The following SMAD7 variants were observed in gnomAD, a reference collection of about 807,000 sequenced individuals.
The protein encoded by SMAD7 is SMAD family member 7.
Under a neutral mutation model 38.7 loss-of-function variants are expected in SMAD7, and 8 were observed. The observed-to-expected ratio is 0.21, with a 90% CI of 0.12 to 0.37. The LOEUF (loss-of-function observed/expected upper bound fraction) is 0.37, where lower values mean the gene tolerates loss of function less well. Among genes scored for constraint, SMAD7 ranks in the 10% least tolerant of loss-of-function variants. The probability of loss-of-function intolerance (pLI) is 1.00; values close to 1 mark genes in which losing one functional copy is unlikely to be tolerated. For missense variants in SMAD7, 477 were observed against 577.9 expected (o/e 0.83, Z 1.79); for synonymous variants, 327 against 265.1 (o/e 1.23, Z -2.27).
At chr18:48,923,155 G>C (rs983451835) in intron 3 of SMAD7, among the ~76,000 whole-genome samples, 5 of 152,330 alleles carry the variant, frequency 3.3e-5, no homozygotes, top group South Asian at 4.1e-4. Context: ...AGGGGGAAAA[G>C]CAGAGGGGAA....
chr18:48,931,736 C>A (rs1241648875), intron 3 of SMAD7, among the ~76,000 whole-genome samples: 1 of 152,238 alleles, frequency 6.6e-6, no homozygotes. Context: ...AAAACTGAGG[C>A]CCAGAACACA....
chr18:48,929,573 TCACACACACA>T (rs6146310), intron 3 of SMAD7, among the ~76,000 whole-genome samples: 4 of 137,326 alleles, frequency 2.9e-5, no homozygotes, highest in African/African-American at 1.1e-4. Context: ...TCTCTCTCAC[TCACACACACA>T]CACACACACA....
intron 3 of SMAD7, among the ~76,000 whole-genome samples, chr18:48,924,165 C>T (rs750796001): frequency 2.0e-4 from 25 of 127,158 alleles, no homozygotes; most frequent in Non-Finnish European, 3.3e-4. Context: ...CAATTCGGGA[C>T]AACAAACCTG....
intron 3 of SMAD7, among the ~76,000 whole-genome samples, chr18:48,928,472 T>A (rs1163745063): frequency 6.6e-6 from 1 of 151,762 alleles, no homozygotes; most frequent in Non-Finnish European, 1.5e-5. Context: ...AATTTCAGAG[T>A]CAGAAATGAC....
chr18:48,927,036 A>C (rs4939826), intron 3 of SMAD7, among the ~76,000 whole-genome samples: 135,797 of 152,196 alleles, frequency 0.89, 60,725 homozygotes, highest in East Asian at 0.99. Context: ...TATCTGGGCT[A>C]ACTTTAAGGG....
At chr18:48,947,907 T>A (rs1475754189) in intron 2 of SMAD7, among the ~76,000 whole-genome samples, 2 of 127,332 alleles carry the variant, frequency 1.6e-5, no homozygotes, top group African/African-American at 3.1e-5. Flanking sequence ...CCCCCCCCTT[T>A]TACTGGCTGT....
chr18:48,938,383 G>A (rs1031202983), intron 3 of SMAD7, among the ~76,000 whole-genome samples: 3 of 152,116 alleles, frequency 2.0e-5, no homozygotes, highest in Non-Finnish European at 2.9e-5. Flanking sequence ...GCATGACTTC[G>A]CACAGCCAAG....
At chr18:48,948,562 C>G (rs2070223367) in intron 1 of SMAD7, 125 bp from the exon 2 acceptor site, 1 of 618,548 alleles carries the variant, frequency 1.6e-6, no homozygotes, top group Non-Finnish European at 2.8e-6. Flanking sequence ...GAGGCAGGGC[C>G]GCGAGGCGGT....
intron 3 of SMAD7, among the ~76,000 whole-genome samples, chr18:48,938,443 A>C (rs1481214624): frequency 6.6e-6 from 1 of 152,110 alleles, no homozygotes; most frequent in African/African-American, 2.4e-5. Context: ...ACTGCCTCCT[A>C]CCTCCCTCCT....
At chr18:48,923,475 T>C (rs1393150524) in intron 3 of SMAD7, among the ~76,000 whole-genome samples, 1 of 152,132 alleles carries the variant, frequency 6.6e-6, no homozygotes, top group Non-Finnish European at 1.5e-5. Flanking sequence ...TCAGTTGTTG[T>C]TGTTGTTGTT....
chr18:48,933,757 C>G (rs1231360749), intron 3 of SMAD7: 2 of 152,312 alleles, frequency 1.3e-5, no homozygotes, highest in Non-Finnish European at 2.9e-5. Flanking sequence ...CGGCGCCGGC[C>G]CACCAACCTC....
chr18:48,922,674 C>A (rs565780691), intron 3 of SMAD7, among the ~76,000 whole-genome samples: 1 of 152,270 alleles, frequency 6.6e-6, no homozygotes, highest in Admixed American at 6.5e-5. Context: ...GCTACCTTAA[C>A]AAAGCTTCCT....
intron 3 of SMAD7, among the ~76,000 whole-genome samples, chr18:48,937,016 T>G (rs887872442): frequency 6.6e-6 from 1 of 151,472 alleles, no homozygotes; most frequent in Non-Finnish European, 1.5e-5. Context: ...GAGGCAGAGG[T>G]TGCAGTGACT....
At chr18:48,932,577 A>T (rs985322725) in intron 3 of SMAD7, among the ~76,000 whole-genome samples, 41 of 152,142 alleles carry the variant, frequency 2.7e-4, no homozygotes, top group Admixed American at 2.6e-3. Context: ...TTCACGGAGG[A>T]GCGAGAAGAG....
chr18:48,944,418 AT>A (rs2070174874), intron 2 of SMAD7, among the ~76,000 whole-genome samples: 1 of 152,234 alleles, frequency 6.6e-6, no homozygotes, highest in South Asian at 2.1e-4. Flanking sequence ...AACCACAAGC[AT>A]TTTTGTGAAA....
intron 2 of SMAD7, among the ~76,000 whole-genome samples, chr18:48,946,787 G>A (rs1342869617): frequency 6.6e-6 from 1 of 152,156 alleles, no homozygotes; most frequent in African/African-American, 2.4e-5. Flanking sequence ...CCCTGGCCTG[G>A]CAGAATGACT....
chr18:48,949,973 G>C lies in SMAD7; in HGVS notation c.452C>G (p.Ser151Trp), dbSNP rs768617724. 8.1e-6 allele frequency: 13 copies of C among 1,601,900 alleles called. No homozygotes were observed. The highest frequency in any genetic ancestry group is 1.7e-4 in the Middle Eastern group (1 of 6,042). ...PAGAQPAQPP[S>W]SYSLPLLLCK... ...CAGCAGGAGGGGGAGCGAGTAGGAC[G>C]AGGGCGGCTGCGCAGGCTGCGCGCC... The change falls in exon 1 of 4, where the codon TCG (serine) becomes TGG (tryptophan). Residue 151 changes from serine to tryptophan, a missense_variant. Physicochemically the swap from Ser to Trp is radical, Grantham distance 177. Around this residue, in one of 2 missense-constraint regions of SMAD7, gnomAD observed 376 missense variants for 379.4 expected, o/e 0.99. Coordinates refer to ENST00000262158, the MANE Select transcript of SMAD7 (RefSeq NM_005904.4).
intron 2 of SMAD7, 121 bp from the exon 3 acceptor site, chr18:48,942,676 C>T (rs575158455): frequency 2.4e-5 from 38 of 1,568,800 alleles, no homozygotes; most frequent in Middle Eastern, 3.3e-4. Context: ...GGCTGACTCG[C>T]GGCCTTGATG....
At chr18:48,936,650 T>C (rs953328747) in intron 3 of SMAD7, among the ~76,000 whole-genome samples, 2 of 152,068 alleles carry the variant, frequency 1.3e-5, no homozygotes, top group Middle Eastern at 3.2e-3. Context: ...ACTTTACACC[T>C]TTTTTTTCTT....
Sources: gnomAD v4.1 joint callset for allele counts (sites outside exome capture counted in the v4.1 genomes callset) on GRCh38, gnomAD v4.1.1 for gene constraint, gnomAD v4.1.1 regional missense constraint, MANE v1.5 for transcripts, NCBI Gene and HGNC (gene_info 2026-07-23, HGNC 2026-07-21) for gene names.